Variants in FSTL4 observed in about 807,000 individuals in gnomAD.
FSTL4 encodes follistatin-related protein 4.
A neutral mutation model predicts 78.2 loss-of-function variants in FSTL4; 28 were observed. That is an observed-to-expected ratio of 0.36 (90% CI 0.27 to 0.49). FSTL4 has a LOEUF of 0.49. Among genes scored for constraint, FSTL4 ranks in the 20% least tolerant of loss-of-function variants. FSTL4 has a pLI of 0.98. For synonymous variants in FSTL4, 422 were observed against 440.5 expected, an observed-to-expected ratio of 0.96 and a Z score of 0.53; for missense variants, 922 against 1,084.9, an observed-to-expected ratio of 0.85 and a Z score of 2.11.
At chr5:133,465,367 G>A (rs566944530) in intron 3 of FSTL4, among the ~76,000 whole-genome samples, 457 of 152,266 alleles carry the variant, frequency 3.0e-3, no homozygotes, top group Middle Eastern at 0.024. Flanking sequence ...CCGTAAGACC[G>A]TGCCACAGAA....
intron 3 of FSTL4, among the ~76,000 whole-genome samples, chr5:133,425,119 A>G (rs1441267852): frequency 6.6e-6 from 1 of 152,228 alleles, no homozygotes; most frequent in Non-Finnish European, 1.5e-5. Context: ...TATGTTCCAG[A>G]CACCATAAGG....
the FSTL4 span, among the ~76,000 whole-genome samples, chr5:133,795,113 C>CA: frequency 6.6e-6 from 1 of 152,198 alleles, no homozygotes; most frequent in East Asian, 1.9e-4. Flanking sequence ...GGGGATGGGA[C>CA]AGATGGAGAG....
rs576844314 is a variant in FSTL4, at chr5:133,299,848, C to T, written c.727+12806G>A. 5.9e-5 allele frequency among the ~76,000 whole-genome samples: 9 copies of T among 152,298 alleles called. 1 individual carries two copies. The highest frequency in any genetic ancestry group is 1.9e-4 in the African/African-American group (8 of 41,574). The stretch of plus-strand genomic sequence containing the variant: ...CAGGAAAAATGAGCAGAACTTTGAA[C>T]TGCATGGAATACAATTAGTCGGTAC... On this transcript the variant is annotated intron_variant, in intron 6 of 15. Transcript: ENST00000265342.
chr5:133,645,724 G>C, the FSTL4 span, among the ~76,000 whole-genome samples: 1 of 152,118 alleles, frequency 6.6e-6, no homozygotes, highest in African/African-American at 2.4e-5. Context: ...GTGAGGAAGA[G>C]GGAGATTTGA....
chr5:133,806,815 C>T, the FSTL4 span, among the ~76,000 whole-genome samples: 4 of 152,224 alleles, frequency 2.6e-5, no homozygotes, highest in South Asian at 4.1e-4. Context: ...AAGCAGGACT[C>T]GGAGCAACCT....
intron 3 of FSTL4, among the ~76,000 whole-genome samples, chr5:133,532,877 G>A (rs1458377909): frequency 1.3e-5 from 2 of 152,012 alleles, no homozygotes; most frequent in African/African-American, 4.8e-5. Context: ...TCTCCCCTTT[G>A]GTCAAGGGAG....
the FSTL4 span, among the ~76,000 whole-genome samples, chr5:133,755,157 C>T: frequency 2.0e-5 from 3 of 152,186 alleles, no homozygotes; most frequent in Non-Finnish European, 4.4e-5. Flanking sequence ...ATCACTCCCT[C>T]CTTCTGGCAA....
chr5:133,564,763 G>A (rs886671749), intron 3 of FSTL4, among the ~76,000 whole-genome samples: 1 of 152,176 alleles, frequency 6.6e-6, no homozygotes, highest in Non-Finnish European at 1.5e-5. Flanking sequence ...TGACATCTAC[G>A]GCTGGAGGGG....
chr5:133,779,654 T>C, the FSTL4 span, among the ~76,000 whole-genome samples: 910 of 152,296 alleles, frequency 6.0e-3, 4 homozygotes, highest in Non-Finnish European at 9.8e-3. Context: ...CCTAAAAACT[T>C]CCAATCACTC....
chr5:133,555,069 T>G (rs774504834), intron 3 of FSTL4, among the ~76,000 whole-genome samples: 3 of 152,234 alleles, frequency 2.0e-5, no homozygotes, highest in Non-Finnish European at 2.9e-5. Context: ...TCTGGCTCTA[T>G]TTTAAACTGT....
intron 3 of FSTL4, among the ~76,000 whole-genome samples, chr5:133,401,848 G>C (rs930008915): frequency 2.1e-4 from 32 of 149,436 alleles, no homozygotes; most frequent in African/African-American, 7.7e-4. Context: ...GTGAGTAGGA[G>C]TTTTGTACAG....
Position 133,281,516 on chromosome 5 carries a change from G to T in FSTL4, c.727+31138C>A, listed in dbSNP as rs560311974. ...AACTGAGACTCAGAGAGGTAAATCT[G>T]CCCAGCTCTGCAGGATTCCCAAGCT... On this transcript the variant is annotated intron_variant, in intron 6 of 15. Coordinates refer to ENST00000265342, the MANE Select transcript of FSTL4 (RefSeq NM_015082.2). 1.2e-4 allele frequency among the ~76,000 whole-genome samples: 19 copies of T among 152,190 alleles called. No homozygotes were observed. The South Asian group carries it at 3.5e-3, about 28-fold the overall frequency.
chr5:133,313,276 GC>G (rs1211116890), intron 5 of FSTL4, among the ~76,000 whole-genome samples: 3 of 152,172 alleles, frequency 2.0e-5, no homozygotes, highest in Non-Finnish European at 2.9e-5. Flanking sequence ...AGGCAGTGCT[GC>G]CTGGACACAG....
chr5:133,434,207 G>A (rs924731775), intron 3 of FSTL4, among the ~76,000 whole-genome samples: 9 of 152,118 alleles, frequency 5.9e-5, no homozygotes, highest in African/African-American at 2.2e-4. Flanking sequence ...GACTCAAGGT[G>A]CGCTTTGGAA....
intron 14 of FSTL4, among the ~76,000 whole-genome samples, chr5:133,204,799 G>A (rs1351916906): frequency 1.4e-5 from 2 of 146,240 alleles, no homozygotes; most frequent in African/African-American, 5.2e-5. Context: ...TTGTGCCACT[G>A]CACTCCAGCC....
intron 1 of FSTL4, among the ~76,000 whole-genome samples, chr5:133,610,115 A>G (rs1761060702): frequency 6.6e-6 from 1 of 152,226 alleles, no homozygotes; most frequent in African/African-American, 2.4e-5. Context: ...TCACATTTAA[A>G]AAGTCCTACG....
the FSTL4 span, among the ~76,000 whole-genome samples, chr5:133,623,090 T>G: frequency 9.2e-6 from 1 of 108,110 alleles, no homozygotes; most frequent in Non-Finnish European, 2.1e-5. Context: ...GGATGAGGTC[T>G]TTTTTTTTTT....
the FSTL4 span, among the ~76,000 whole-genome samples, chr5:133,726,877 C>T: frequency 6.6e-6 from 1 of 152,228 alleles, no homozygotes; most frequent in African/African-American, 2.4e-5. Flanking sequence ...ATCGCCACTT[C>T]ACATGCAAGA....
chr5:133,792,321 G>C, the FSTL4 span, among the ~76,000 whole-genome samples: 1 of 152,168 alleles, frequency 6.6e-6, no homozygotes, highest in South Asian at 2.1e-4. Context: ...CTATGAACAT[G>C]GGGTCTGCCA....
Sources: gnomAD v4.1 joint callset for allele counts (sites outside exome capture counted in the v4.1 genomes callset) on GRCh38, gnomAD v4.1.1 for gene constraint, MANE v1.5 for transcripts, NCBI Gene and HGNC (gene_info 2026-07-23, HGNC 2026-07-21) for gene names.